Variants in GSAP observed in about 807,000 individuals in gnomAD.
GSAP encodes the protein gamma-secretase-activating protein.
GSAP carries 118 observed loss-of-function variants against 131.7 expected under a neutral mutation model. The observed-to-expected ratio is 0.90, with a 90% CI of 0.77 to 1.04. The LOEUF (loss-of-function observed/expected upper bound fraction) is 1.04. GSAP is among the 50% of genes least tolerant of loss of function. The pLI, the probability that GSAP is intolerant of heterozygous loss-of-function variation, is 0.00. For missense variants in GSAP, 1,019 were observed against 1,013.2 expected, an observed-to-expected ratio of 1.01 and a Z score of -0.08; for synonymous variants, 381 against 363.4, an observed-to-expected ratio of 1.05 and a Z score of -0.55.
intron 19 of GSAP, 152 bp from the exon 20 acceptor site, chr7:77,330,519 A>G: frequency 8.0e-7 from 1 of 1,248,798 alleles, no homozygotes; most frequent in South Asian, 2.4e-5. Flanking sequence ...TAGACCCAAT[A>G]GGGATTCTAA....
intron 5 of GSAP, among the ~76,000 whole-genome samples, chr7:77,391,584 GAGGCCA>G (rs1269718844): frequency 6.6e-6 from 1 of 152,144 alleles, no homozygotes; most frequent in Non-Finnish European, 1.5e-5. Flanking sequence ...AACACTTTTG[GAGGCCA>G]AGGCAGGAAG....
chr7:77,349,318 CTGTACT>C (rs1792413894), intron 19 of GSAP, 27 bp downstream of exon 19: 1 of 1,495,654 alleles, frequency 6.7e-7, no homozygotes, highest in Non-Finnish European at 9.3e-7. Flanking sequence ...AGTCATGTAT[CTGTACT>C]TTTGTTTCTT....
intron 1 of GSAP, among the ~76,000 whole-genome samples, chr7:77,412,579 G>A (rs898532923): frequency 1.3e-5 from 2 of 151,912 alleles, no homozygotes; most frequent in Non-Finnish European, 2.9e-5. Flanking sequence ...GACAGATTGA[G>A]AGAAAAATAT....
rs13239532 is a variant in GSAP at position 77,402,681 on chromosome 7, C to G, written c.243+1878G>C. Reference sequence around the variant, plus strand: ...TCCTTCAATAAAACCATCAAAAGGTCCGTAAAAAAAAAAAAAAACATATGG... The same window carrying G: ...TCCTTCAATAAAACCATCAAAAGGTGCGTAAAAAAAAAAAAAAACATATGG... On this transcript the variant is annotated intron_variant, in intron 3 of 30. Transcript: ENST00000257626. Among the ~76,000 whole-genome samples the G allele has an allele frequency of 6.2e-3, 863 of 138,186 alleles. 8 individuals carry two copies. Among genetic ancestry groups the G allele is most frequent in the Non-Finnish European group, 9.9e-3 (644 of 64,768 alleles). 90.7% of individuals were successfully genotyped at this position (138,186 alleles called of 152,430 possible).
At chr7:77,410,785 T>C (rs1275982665) in intron 1 of GSAP, among the ~76,000 whole-genome samples, 1 of 152,178 alleles carries the variant, frequency 6.6e-6, no homozygotes, top group Admixed American at 6.5e-5. Flanking sequence ...GTCTTTCCAA[T>C]GACCATATTT....
intron 30 of GSAP, 32 bp from the exon 31 acceptor site, chr7:77,311,481 A>G: frequency 1.5e-5 from 17 of 1,150,172 alleles, no homozygotes; most frequent in Non-Finnish European, 1.8e-5. Context: ...GCAGGGAAAA[A>G]GGGTTACCAT....
chr7:77,388,562 C>T (rs1798924162), intron 5 of GSAP, among the ~76,000 whole-genome samples: 1 of 152,262 alleles, frequency 6.6e-6, no homozygotes, highest in African/African-American at 2.4e-5. Flanking sequence ...GGTTCCCCTT[C>T]CCCCAAGATT....
chr7:77,320,777 G>C lies in GSAP; in HGVS notation c.2037C>G (p.Ile679Met). 1 of 1,612,596 alleles carries C rather than the reference G, an allele frequency of 6.2e-7. No individual in the cohort carries two copies. The highest frequency in any genetic ancestry group is 8.5e-7 in the Non-Finnish European group (1 of 1,178,706). ...GSAAEFAVFH[I>M]MTRILEATNS... The stretch of plus-strand genomic sequence containing the variant: ...TTGTAGCTTCCAGAATCCTGGTCAT[G>C]ATGTGAAAAACTGCAAATTCAGCAG... The change falls in exon 26 of 31, where the codon ATC becomes ATG. Residue 679 changes from isoleucine (I) to methionine (M), a missense_variant. By Grantham distance (10) the Ile-to-Met change is conservative. Transcript: ENST00000257626.
rs1390103341 is a variant in GSAP, at chr7:77,355,796, T to G, written c.1028-149A>C. 8 of 535,550 alleles carry G rather than the reference T, an allele frequency of 1.5e-5. No individual in the cohort carries two copies. In the East Asian group the frequency reaches 1.6e-4, roughly 11 times the overall value. 33.2% of individuals were successfully genotyped at this position (535,550 alleles called of 1,614,324 possible). ...TATCTAATGACAGCCCGTTTTTTTTTTTTTTTTTTTAAGACAGGGTCTGAC... is the reference window on the plus strand; with the variant it reads ...TATCTAATGACAGCCCGTTTTTTTTGTTTTTTTTTTAAGACAGGGTCTGAC... On this transcript the variant is annotated intron_variant, in intron 14 of 30. Transcript: ENST00000257626.
upstream of GSAP, chr7:77,416,429 TC>T: frequency 1.9e-6 from 1 of 523,198 alleles, no homozygotes; most frequent in Non-Finnish European, 3.3e-6. Context: ...CTCTTTCCTC[TC>T]CCCCGCCCCC....
chr7:77,364,713 C>T (rs1439317814), intron 12 of GSAP, among the ~76,000 whole-genome samples: 1 of 152,130 alleles, frequency 6.6e-6, no homozygotes, highest in Admixed American at 6.6e-5. Context: ...TACCTAATTA[C>T]ATATTCTAAG....
chr7:77,390,501 A>G (rs1799298269), intron 5 of GSAP, among the ~76,000 whole-genome samples: 1 of 152,164 alleles, frequency 6.6e-6, no homozygotes, highest in Admixed American at 6.5e-5. Flanking sequence ...CTTTCTACAT[A>G]TGGCCAGCCA....
chr7:77,371,399 T>C (rs1030212209), intron 12 of GSAP, among the ~76,000 whole-genome samples: 12 of 151,790 alleles, frequency 7.9e-5, no homozygotes, highest in Non-Finnish European at 1.3e-4. Context: ...ACTTTTTCTC[T>C]TGCCTTCTCC....
At chr7:77,358,071 T>C (rs2150893526) in intron 14 of GSAP, among the ~76,000 whole-genome samples, 1 of 152,342 alleles carries the variant, frequency 6.6e-6, no homozygotes, top group South Asian at 2.1e-4. Flanking sequence ...CTGGGCACGG[T>C]GGCTCACGCC....
intron 18 of GSAP, chr7:77,351,232 A>T: frequency 1.0e-6 from 1 of 980,914 alleles, no homozygotes; most frequent in Non-Finnish European, 1.2e-6. Flanking sequence ...ACCTCAAAAA[A>T]AATTAAAATT....
At chr7:77,331,083 G>A (rs1446352555) in intron 19 of GSAP, among the ~76,000 whole-genome samples, 1 of 152,162 alleles carries the variant, frequency 6.6e-6, no homozygotes, top group Non-Finnish European at 1.5e-5. Context: ...GGAGGCTGAG[G>A]TGGGCGGATC....
chr7:77,399,076 T>C (rs570338012), intron 3 of GSAP, among the ~76,000 whole-genome samples: 7 of 152,282 alleles, frequency 4.6e-5, no homozygotes, highest in African/African-American at 1.7e-4. Context: ...TTAGGTAATA[T>C]AATAATCCAA....
chr7:77,342,604 A>C, intron 19 of GSAP, among the ~76,000 whole-genome samples: 1 of 150,004 alleles, frequency 6.7e-6, no homozygotes, highest in Non-Finnish European at 1.5e-5. Context: ...GGACATCTCT[A>C]CTCCCCCCTT....
intron 19 of GSAP, among the ~76,000 whole-genome samples, chr7:77,340,034 T>G (rs191439836): frequency 7.9e-5 from 12 of 152,254 alleles, no homozygotes; most frequent in Admixed American, 5.9e-4. Context: ...ACAAAAGAAG[T>G]GAAAATGGTC....
Sources: gnomAD v4.1 joint callset for allele counts (sites outside exome capture counted in the v4.1 genomes callset) on GRCh38, gnomAD v4.1.1 for gene constraint, MANE v1.5 for transcripts, NCBI Gene and HGNC (gene_info 2026-07-23, HGNC 2026-07-21) for gene names.